The following DLG2 variants were observed in gnomAD, a reference collection of about 807,000 sequenced individuals.
DLG2 encodes the protein disks large homolog 2.
A neutral mutation model predicts 132.5 loss-of-function variants in DLG2; 45 were observed. That is an observed-to-expected ratio of 0.34 (90% CI 0.27 to 0.44). The LOEUF (loss-of-function observed/expected upper bound fraction) is 0.44, where lower values mean the gene tolerates loss of function less well. DLG2 is among the 20% of genes least tolerant of loss of function. The pLI, the probability that DLG2 is intolerant of heterozygous loss-of-function variation, is 1.00. For synonymous variants in DLG2, 424 were observed against 419.6 expected, an observed-to-expected ratio of 1.01 and a Z score of -0.13; for missense variants, 1,045 against 1,196.9, an observed-to-expected ratio of 0.87 and a Z score of 1.87.
chr11:83,599,591 T>C (rs2058189502), intron 19 of DLG2, among the ~76,000 whole-genome samples: 1 of 152,190 alleles, frequency 6.6e-6, no homozygotes, highest in South Asian at 2.1e-4. Flanking sequence ...TGTGACACCA[T>C]GGGGCACTGA....
intron 7 of DLG2, among the ~76,000 whole-genome samples, chr11:84,332,011 T>C (rs182895539): frequency 7.3e-4 from 111 of 152,296 alleles, no homozygotes; most frequent in Non-Finnish European, 1.5e-3. Flanking sequence ...TTTTCTTTTC[T>C]GCAGAAAGGT....
At chr11:84,898,801 A>G (rs1005955827) in intron 6 of DLG2, among the ~76,000 whole-genome samples, 1 of 151,920 alleles carries the variant, frequency 6.6e-6, no homozygotes, top group Non-Finnish European at 1.5e-5. Flanking sequence ...TTAAAACATC[A>G]CTTCCTTCCT....
intron 18 of DLG2, among the ~76,000 whole-genome samples, chr11:83,652,393 T>C (rs2070825156): frequency 6.6e-6 from 1 of 152,164 alleles, no homozygotes; most frequent in African/African-American, 2.4e-5. Flanking sequence ...GTTTTTGAGA[T>C]GGAGTCTCGC....
At chr11:83,999,594 A>G (rs2094231758) in intron 11 of DLG2, among the ~76,000 whole-genome samples, 1 of 152,050 alleles carries the variant, frequency 6.6e-6, no homozygotes, top group Non-Finnish European at 1.5e-5. Context: ...GTAACCATAC[A>G]GTATACTGGG....
intron 7 of DLG2, among the ~76,000 whole-genome samples, chr11:84,425,420 C>T (rs1287500741): frequency 1.3e-5 from 2 of 152,112 alleles, no homozygotes; most frequent in African/African-American, 4.8e-5. Context: ...ATTCATCATA[C>T]TACATTTTAT....
At chr11:85,412,838 G>A (rs144106320) in intron 3 of DLG2, among the ~76,000 whole-genome samples, 345 of 149,524 alleles carry the variant, frequency 2.3e-3, no homozygotes, top group African/African-American at 7.3e-3. Context: ...TGGGTTCTAC[G>A]TTTTTGCAAT....
At chr11:84,284,895 C>T (rs1011489850) in intron 7 of DLG2, among the ~76,000 whole-genome samples, 2 of 152,118 alleles carry the variant, frequency 1.3e-5, no homozygotes, top group Admixed American at 6.5e-5. Flanking sequence ...TGGCATATAA[C>T]AAAGGACACC....
At chr11:84,197,986 A>G (rs1403505808) in intron 8 of DLG2, among the ~76,000 whole-genome samples, 1 of 152,206 alleles carries the variant, frequency 6.6e-6, no homozygotes, top group Non-Finnish European at 1.5e-5. Flanking sequence ...GTATTTTTTT[A>G]AATATGTAAT....
At chr11:85,514,824 C>T (rs532602852) in intron 3 of DLG2, among the ~76,000 whole-genome samples, 1 of 152,022 alleles carries the variant, frequency 6.6e-6, no homozygotes, top group South Asian at 2.1e-4. Flanking sequence ...ACATACTGGG[C>T]AGAGGTTTCA....
chr11:83,802,348 C>T (rs1171305909), intron 17 of DLG2, among the ~76,000 whole-genome samples: 1 of 152,078 alleles, frequency 6.6e-6, no homozygotes, highest in African/African-American at 2.4e-5. Flanking sequence ...TCAACTCACC[C>T]ACCAAATGTT....
chr11:85,521,680 C>T (rs1317152014), intron 3 of DLG2, among the ~76,000 whole-genome samples: 2 of 152,070 alleles, frequency 1.3e-5, no homozygotes, highest in South Asian at 2.1e-4. Context: ...GCTCATGGAC[C>T]TGCTATATGG....
intron 17 of DLG2, chr11:83,790,621 T>G: frequency 7.7e-7 from 1 of 1,297,010 alleles, no homozygotes; most frequent in Admixed American, 1.7e-5. Context: ...TGGATTTGAT[T>G]ATTTTGCATT....
intron 17 of DLG2, among the ~76,000 whole-genome samples, chr11:83,802,158 T>TA (rs962915280): frequency 8.0e-5 from 12 of 149,316 alleles, no homozygotes; most frequent in Admixed American, 2.7e-4. Context: ...CCTCGCTAAT[T>TA]AAAAAAAAAA....
At chr11:83,967,526 G>C (rs2090471689) in intron 12 of DLG2, among the ~76,000 whole-genome samples, 1 of 151,960 alleles carries the variant, frequency 6.6e-6, no homozygotes, top group Non-Finnish European at 1.5e-5. Context: ...GGACATTTTT[G>C]CATCTTCTTT....
intron 7 of DLG2, among the ~76,000 whole-genome samples, chr11:84,423,300 G>T (rs1160069757): frequency 6.6e-6 from 1 of 152,052 alleles, no homozygotes; most frequent in East Asian, 1.9e-4. Context: ...ATACATTCAG[G>T]TTTGATAACT....
At chr11:84,911,723 A>C (rs1215798216) in intron 6 of DLG2, among the ~76,000 whole-genome samples, 1 of 152,232 alleles carries the variant, frequency 6.6e-6, no homozygotes, top group Non-Finnish European at 1.5e-5. Flanking sequence ...TAACATAAAA[A>C]TATTAATTAA....
At chr11:84,313,396 G>A (rs889987272) in intron 7 of DLG2, among the ~76,000 whole-genome samples, 1 of 151,974 alleles carries the variant, frequency 6.6e-6, no homozygotes, top group Non-Finnish European at 1.5e-5. Context: ...TTACAGGCGT[G>A]AGTCACCACA....
chr11:84,454,946 T>G (rs890855114), intron 7 of DLG2, among the ~76,000 whole-genome samples: 1 of 151,342 alleles, frequency 6.6e-6, no homozygotes, highest in African/African-American at 2.4e-5. Context: ...TGTCAAGATC[T>G]ATCAGATTGC....
At chr11:84,703,031 T>G (rs187155010) in intron 6 of DLG2, among the ~76,000 whole-genome samples, 52 of 151,752 alleles carry the variant, frequency 3.4e-4, no homozygotes, top group African/African-American at 1.2e-3. Context: ...CCTTATAGTA[T>G]TATCAAAACA....
Sources: gnomAD v4.1 joint callset for allele counts (sites outside exome capture counted in the v4.1 genomes callset) on GRCh38, gnomAD v4.1.1 for gene constraint, MANE v1.5 for transcripts, NCBI Gene and HGNC (gene_info 2026-07-23, HGNC 2026-07-21) for gene names.